The following FOXP1 variants were observed in gnomAD, a reference collection of about 807,000 sequenced individuals.
The protein encoded by FOXP1 is forkhead box protein P1.
Under a neutral mutation model 98.2 loss-of-function variants are expected in FOXP1, and 15 were observed. The observed-to-expected ratio is 0.15, with a 90% CI of 0.10 to 0.24. The LOEUF (loss-of-function observed/expected upper bound fraction) is 0.24, where lower values mean the gene tolerates loss of function less well. Ranked by LOEUF, FOXP1 falls within the 10% of genes least tolerant of loss-of-function variation. FOXP1 has a pLI of 1.00. For synonymous variants in FOXP1, 371 were observed against 314.5 expected, an observed-to-expected ratio of 1.18 and a Z score of -1.90; for missense variants, 633 against 848.5, an observed-to-expected ratio of 0.75 and a Z score of 3.15.
chr3:71,469,183 T>C (rs1322603868), intron 3 of FOXP1, among the ~76,000 whole-genome samples: 2 of 152,208 alleles, frequency 1.3e-5, no homozygotes, highest in Non-Finnish European at 1.5e-5. Context: ...GTTCCATATA[T>C]GCCCAGCCAG....
Position 70,957,233 on chromosome 3 carries a change from T to C in FOXP1, c.*2014A>G, listed in dbSNP as rs2032047163. The stretch of plus-strand genomic sequence containing the variant: ...CCTATTTTTATCTGCAGTAGCCCCA[T>C]AAAATCTCTTTAAGAGAATGAGTTT... On this transcript the variant is annotated 3_prime_UTR_variant, in exon 21 of 21. Transcript: ENST00000649528. The C allele has an allele frequency of 8.9e-6, 2 of 224,430 alleles. No individual in the cohort carries two copies. Among genetic ancestry groups the C allele is most frequent in the South Asian group, 3.7e-4 (2 of 5,432 alleles). 13.9% of individuals were successfully genotyped at this position (224,430 alleles called of 1,614,324 possible).
chr3:71,582,474 C>G (rs911243070), intron 1 of FOXP1: 3 of 985,246 alleles, frequency 3.0e-6, no homozygotes, highest in Non-Finnish European at 3.6e-6. Context: ...GCGCAGGGAG[C>G]TCGGGAGGAA....
chr3:71,571,767 A>G (rs1227656661), intron 2 of FOXP1: 1 of 152,244 alleles, frequency 6.6e-6, no homozygotes, highest in Non-Finnish European at 1.5e-5. Flanking sequence ...TTTATCACTA[A>G]TACTTAATGA....
At chr3:70,969,706 C>T (rs559627399) in intron 19 of FOXP1, 1 of 152,118 alleles carries the variant, frequency 6.6e-6, no homozygotes, top group African/African-American at 2.4e-5. Context: ...CATATTTGCT[C>T]AAGTATTATG....
intron 4 of FOXP1, among the ~76,000 whole-genome samples, chr3:71,301,764 C>T (rs2073863119): frequency 6.6e-6 from 1 of 152,094 alleles, no homozygotes; most frequent in African/African-American, 2.4e-5. Context: ...AAGTTATCTC[C>T]AGTGCTGCAT....
chr3:70,979,140 T>C (rs1410900408), intron 14 of FOXP1, among the ~76,000 whole-genome samples: 1 of 150,698 alleles, frequency 6.6e-6, no homozygotes, highest in Non-Finnish European at 1.5e-5. Flanking sequence ...AAATTAGCCA[T>C]GTGTGGTGGC....
chr3:71,153,147 C>A (rs1432194355), intron 6 of FOXP1, among the ~76,000 whole-genome samples: 1 of 152,126 alleles, frequency 6.6e-6, no homozygotes, highest in Non-Finnish European at 1.5e-5. Context: ...CAGAGGGGTA[C>A]CCGGCAATTG....
At chr3:71,382,764 C>G (rs1678944600) in intron 3 of FOXP1, among the ~76,000 whole-genome samples, 1 of 152,204 alleles carries the variant, frequency 6.6e-6, no homozygotes, top group Admixed American at 6.5e-5. Context: ...CCTGCCTTTA[C>G]TGGACTTTCT....
chr3:71,437,615 A>G (rs2085488394), intron 3 of FOXP1, among the ~76,000 whole-genome samples: 1 of 152,144 alleles, frequency 6.6e-6, no homozygotes, highest in Non-Finnish European at 1.5e-5. Flanking sequence ...TCCCCAAAGA[A>G]GAAGGTATCA....
At chr3:71,582,264 C>G in intron 1 of FOXP1, 2 of 984,846 alleles carry the variant, frequency 2.0e-6, no homozygotes, top group South Asian at 4.7e-5. Context: ...TCTAAGTTTC[C>G]GAGCGCGACG....
intron 3 of FOXP1, among the ~76,000 whole-genome samples, chr3:71,479,265 C>T (rs1209925067): frequency 1.3e-5 from 2 of 152,118 alleles, no homozygotes; most frequent in Non-Finnish European, 2.9e-5. Context: ...ACTAAAGTTT[C>T]AAGAGACAAT....
At chr3:71,442,544 A>C (rs898345419) in intron 3 of FOXP1, among the ~76,000 whole-genome samples, 1 of 152,204 alleles carries the variant, frequency 6.6e-6, no homozygotes, top group Non-Finnish European at 1.5e-5. Context: ...TGTCTGGAGA[A>C]AGCTACATGG....
chr3:71,096,155 T>C (rs533197499), intron 7 of FOXP1, among the ~76,000 whole-genome samples: 254 of 152,332 alleles, frequency 1.7e-3, no homozygotes, highest in Non-Finnish European at 3.1e-3. Flanking sequence ...GTCAGAGAGT[T>C]CATTTCTGCT....
At chr3:71,158,847 T>G (rs1362235399) in intron 6 of FOXP1, among the ~76,000 whole-genome samples, 1 of 151,904 alleles carries the variant, frequency 6.6e-6, no homozygotes, top group East Asian at 1.9e-4. Context: ...GGCTCATGCC[T>G]GTAATCCCAG....
At chr3:71,579,355 CATT>C (rs1373263742) in intron 2 of FOXP1, among the ~76,000 whole-genome samples, 1 of 152,130 alleles carries the variant, frequency 6.6e-6, no homozygotes, top group Non-Finnish European at 1.5e-5. Flanking sequence ...ATGTTTCTTT[CATT>C]ATACTTTGAT....
intron 6 of FOXP1, among the ~76,000 whole-genome samples, chr3:71,154,482 A>G (rs943524897): frequency 3.3e-5 from 5 of 152,232 alleles, no homozygotes; most frequent in Non-Finnish European, 5.9e-5. Flanking sequence ...AGTATCTCAC[A>G]TATACACTGT....
At chr3:71,408,274 A>C (rs2082491251) in intron 3 of FOXP1, among the ~76,000 whole-genome samples, 1 of 152,232 alleles carries the variant, frequency 6.6e-6, no homozygotes, top group African/African-American at 2.4e-5. Flanking sequence ...TTCATTGTTT[A>C]TTCTGTGTTG....
chr3:71,462,732 C>T (rs531125013), intron 3 of FOXP1, among the ~76,000 whole-genome samples: 4 of 152,280 alleles, frequency 2.6e-5, no homozygotes, highest in Admixed American at 2.0e-4. Context: ...TTCTAGTCAT[C>T]CGATGAAGGA....
At chr3:71,018,107 C>T (rs1490299105) in intron 11 of FOXP1, among the ~76,000 whole-genome samples, 5 of 152,158 alleles carry the variant, frequency 3.3e-5, no homozygotes, top group African/African-American at 1.2e-4. Context: ...TATGCATTCA[C>T]TAGCAGGGTT....
Sources: gnomAD v4.1 joint callset for allele counts (sites outside exome capture counted in the v4.1 genomes callset) on GRCh38, gnomAD v4.1.1 for gene constraint, MANE v1.5 for transcripts, NCBI Gene and HGNC (gene_info 2026-07-23, HGNC 2026-07-21) for gene names.